Variants in BCAS3 observed in about 807,000 individuals in gnomAD.
BCAS3 encodes BCAS4/BCAS3 fusion.
A neutral mutation model predicts 116.1 loss-of-function variants in BCAS3; 53 were observed. That is an observed-to-expected ratio of 0.46 (90% CI 0.37 to 0.57). BCAS3 has a LOEUF of 0.57. BCAS3 is among the 20% of genes least tolerant of loss of function. The pLI, the probability that BCAS3 is intolerant of heterozygous loss-of-function variation, is 0.00. For missense variants in BCAS3, 917 were observed against 1,165.4 expected (o/e 0.79, Z 3.10); for synonymous variants, 391 against 408.2 (o/e 0.96, Z 0.51).
chr17:60,954,368 A>C (rs1192930806), intron 14 of BCAS3, among the ~76,000 whole-genome samples: 1 of 152,096 alleles, frequency 6.6e-6, no homozygotes, highest in Non-Finnish European at 1.5e-5. Context: ...TTTCATATGA[A>C]TTTTAAAATA....
chr17:60,965,648 A>G (rs188477453), intron 14 of BCAS3, among the ~76,000 whole-genome samples: 166 of 152,286 alleles, frequency 1.1e-3, no homozygotes, highest in African/African-American at 3.6e-3. Context: ...ATGTGTTTAT[A>G]TATTTTCCCC....
At chr17:60,741,006 A>C (rs2041493465) in intron 5 of BCAS3, among the ~76,000 whole-genome samples, 4 of 152,142 alleles carry the variant, frequency 2.6e-5, no homozygotes, top group South Asian at 4.1e-4. Context: ...TACTTTTTAC[A>C]ATTTTTAATT....
intron 9 of BCAS3, among the ~76,000 whole-genome samples, chr17:60,877,279 G>A (rs1028240595): frequency 1.3e-5 from 2 of 151,988 alleles, no homozygotes; most frequent in African/African-American, 4.8e-5. Flanking sequence ...ATTTTGGAAA[G>A]GATGAGTTTG....
intron 16 of BCAS3, among the ~76,000 whole-genome samples, chr17:61,018,854 C>G (rs1185642369): frequency 6.6e-6 from 1 of 152,094 alleles, no homozygotes; most frequent in Non-Finnish European, 1.5e-5. Flanking sequence ...ATTAGTTTTT[C>G]TTAATTCCAC....
At chr17:61,192,670 G>A (rs182455417) in intron 22 of BCAS3, among the ~76,000 whole-genome samples, 8 of 152,302 alleles carry the variant, frequency 5.3e-5, no homozygotes, top group African/African-American at 1.9e-4. Context: ...CACAGTGGCA[G>A]TTTACCACTG....
rs373837874 is a variant in BCAS3, at chr17:61,272,636, C to CAAAAAAAAAAAAAAAAA, written c.2426-95676_2426-95660dup. 6.3e-5 allele frequency among the ~76,000 whole-genome samples: 3 copies of CAAAAAAAAAAAAAAAAA among 47,376 alleles called. 1 individual carries two copies. Among genetic ancestry groups the CAAAAAAAAAAAAAAAAA allele is most frequent in the Non-Finnish European group, 7.7e-5 (2 of 25,860 alleles). The allele number at this position is 47,376 out of a possible 152,430, so 31.1% of individuals were successfully genotyped here. Reference sequence around the variant, plus strand: ...CTGGTGACAGAGTGAAACCCTGTCTCAAAAAAAAAAAAAAAAAAAAAAAAA... The same window carrying CAAAAAAAAAAAAAAAAA: ...CTGGTGACAGAGTGAAACCCTGTCTCAAAAAAAAAAAAAAAAAAAAAAAAAAAAAAAAAAAAAAAAAA... On this transcript the variant is annotated intron_variant, in intron 22 of 23. Transcript: ENST00000407086.
chr17:60,886,960 T>G (rs1396335697), intron 9 of BCAS3: 1 of 153,922 alleles, frequency 6.5e-6, no homozygotes, highest in Non-Finnish European at 1.5e-5. Context: ...CCTTGAGCTG[T>G]GGTGGGCTCC....
chr17:60,733,373 G>T (rs370048864), intron 5 of BCAS3, among the ~76,000 whole-genome samples: 1 of 152,156 alleles, frequency 6.6e-6, no homozygotes, highest in Non-Finnish European at 1.5e-5. Context: ...AATGTCCGGG[G>T]TCTCAGGTAT....
In BCAS3 at chr17:60,679,507, C is replaced by G. The variant is rs1454508343; in HGVS notation, c.50C>G (p.Thr17Ser). 1 of 1,613,962 alleles carries G rather than the reference C, an allele frequency of 6.2e-7. No individual in the cohort carries two copies. The highest frequency in any genetic ancestry group is 1.7e-5 in the Admixed American group (1 of 59,988). Residue 17 changes from threonine (T) to serine (S), a missense_variant, in exon 2 of 24, where the codon ACT (threonine) becomes AGT (serine). By Grantham distance (58) the Thr-to-Ser change is moderately conservative (BLOSUM62 1). Around this residue, in one of 3 missense-constraint regions of BCAS3, gnomAD observed 807 missense variants for 1,026.0 expected, o/e 0.79. Coordinates refer to ENST00000407086, the MANE Select transcript of BCAS3 (RefSeq NM_017679.5). ...TDSPRRPSRC[T>S]GGVVVRPQAV... Reference sequence around the variant, plus strand: ...TCCCCAAGAAGACCCAGTCGTTGTACTGGTGGAGTTGTGGTTCGCCCCCAG... The same window carrying G: ...TCCCCAAGAAGACCCAGTCGTTGTAGTGGTGGAGTTGTGGTTCGCCCCCAG...
At chr17:60,876,934 A>G (rs1349834941) in intron 9 of BCAS3, among the ~76,000 whole-genome samples, 2 of 152,090 alleles carry the variant, frequency 1.3e-5, no homozygotes, top group African/African-American at 4.8e-5. Flanking sequence ...TCTTAATAAT[A>G]AAACCCAGTT....
chr17:61,215,878 G>A lies in BCAS3; in HGVS notation c.2425+131314G>A, dbSNP rs2081753927. Among the ~76,000 whole-genome samples, 1 of 152,182 alleles carries A rather than the reference G, an allele frequency of 6.6e-6. No homozygotes were observed. The highest frequency in any genetic ancestry group is 1.5e-5 in the Non-Finnish European group (1 of 68,034). ...TTCAGACTCCCTGAGTAATTCTAGT[G>A]TACAGCCAGATTTGAAAACCTTTGT... On this transcript the variant is annotated intron_variant, in intron 22 of 23. Transcript: ENST00000407086. This position sits in a 1 kb window ranked among gnomAD's most constrained non-coding sequence, Gnocchi z 4.8.
chr17:61,284,449 A>G (rs2051547022), intron 22 of BCAS3, among the ~76,000 whole-genome samples: 1 of 152,200 alleles, frequency 6.6e-6, no homozygotes, highest in South Asian at 2.1e-4. Flanking sequence ...ACATCTGAAC[A>G]TCTCAAGGAA....
rs1357119272 is a variant in BCAS3, at chr17:61,202,067, T to C, written c.2425+117503T>C. ...GCCACTGTGCCCGGCCTCTTTTTTT[T>C]TTTTTTTTTTTTTTTGTAATTTTTA... On this transcript the variant is annotated intron_variant, in intron 22 of 23. Transcript: ENST00000407086. Among the ~76,000 whole-genome samples the C allele has an allele frequency of 6.1e-5, 9 of 147,548 alleles. No individual in the cohort carries two copies. In the Admixed American group the frequency reaches 6.1e-4, roughly 10 times the overall value.
rs1218965382 is a variant in BCAS3 at position 60,956,967 on chromosome 17, T to A, written c.1221+9615T>A. The stretch of plus-strand genomic sequence containing the variant: ...TACTTTAATCAGGCAAGGAAAAAAA[T>A]TCAGTATGTGTATCTAATTATACTG... On this transcript the variant is annotated intron_variant, in intron 14 of 23. Transcript: ENST00000407086. The surrounding 1 kb of genome is among the most constrained non-coding windows in gnomAD (Gnocchi z 4.2). 6.6e-6 allele frequency among the ~76,000 whole-genome samples: 1 copy of A among 152,166 alleles called. No individual in the cohort carries two copies. Among genetic ancestry groups the A allele is most frequent in the African/African-American group, 2.4e-5 (1 of 41,448 alleles).
intron 11 of BCAS3, among the ~76,000 whole-genome samples, chr17:60,906,877 A>C (rs1247466327): frequency 6.6e-6 from 1 of 152,192 alleles, no homozygotes; most frequent in African/African-American, 2.4e-5. Flanking sequence ...AAAAATACTT[A>C]AGTAATTTTA....
intron 10 of BCAS3, among the ~76,000 whole-genome samples, chr17:60,894,529 TTCTAC>T (rs2057384945): frequency 6.6e-6 from 1 of 152,222 alleles, no homozygotes; most frequent in Admixed American, 6.5e-5. Flanking sequence ...GCAATGTGAC[TTCTAC>T]TTTTCCAATT....
chr17:60,770,201 G>A (rs939165465), intron 6 of BCAS3, among the ~76,000 whole-genome samples: 4 of 151,976 alleles, frequency 2.6e-5, no homozygotes, highest in African/African-American at 7.2e-5. Flanking sequence ...TTAGTCTTGA[G>A]GCCTGTATGG....
intron 4 of BCAS3, among the ~76,000 whole-genome samples, chr17:60,691,122 G>A (rs1382276823): frequency 6.6e-6 from 1 of 151,802 alleles, no homozygotes; most frequent in Non-Finnish European, 1.5e-5. Context: ...TAGTAGAGAC[G>A]AGGTTTCACC....
chr17:60,803,916 C>T (rs2048040974), intron 6 of BCAS3, among the ~76,000 whole-genome samples: 1 of 150,338 alleles, frequency 6.7e-6, no homozygotes, highest in Admixed American at 6.6e-5. Flanking sequence ...ATTCTCCTGC[C>T]TCAGCCTCTT....
Sources: gnomAD v4.1 joint callset for allele counts (sites outside exome capture counted in the v4.1 genomes callset) on GRCh38, gnomAD v4.1.1 for gene constraint, gnomAD v4.1.1 regional missense constraint, Gnocchi (gnomAD v3.1) non-coding constraint, MANE v1.5 for transcripts, NCBI Gene and HGNC (gene_info 2026-07-23, HGNC 2026-07-21) for gene names.